Variants in LEUTX observed in about 807,000 individuals in gnomAD.
LEUTX encodes the protein paired-like homeodomain transcription factor LEUTX.
Under a neutral mutation model 4.5 loss-of-function variants are expected in LEUTX, and 5 were observed. The observed-to-expected ratio is 1.11, with a 90% CI of 0.58 to 2.34. The LOEUF (loss-of-function observed/expected upper bound fraction) is 2.34. LEUTX is among the 30% of genes most tolerant of loss of function. The pLI is 0.01. For missense variants in LEUTX, 233 were observed against 239.4 expected, an observed-to-expected ratio of 0.97 and a Z score of 0.18; for synonymous variants, 89 against 85.1, an observed-to-expected ratio of 1.05 and a Z score of -0.25.
At chr19:39,782,932 T>A (rs1967908750) in intron 1 of LEUTX, among the ~76,000 whole-genome samples, 1 of 152,158 alleles carries the variant, frequency 6.6e-6, no homozygotes. Flanking sequence ...TTTGGTTACA[T>A]GAGTAAGTTC....
intron 2 of LEUTX, 119 bp downstream of exon 2, chr19:39,784,797 A>G (rs755916683): frequency 1.1e-4 from 75 of 690,584 alleles, no homozygotes; most frequent in Non-Finnish European, 1.6e-4. Context: ...GACAGATGTT[A>G]AGCACTTTAT....
upstream of LEUTX, among the ~76,000 whole-genome samples, chr19:39,778,040 G>T (rs1967824134): frequency 6.6e-6 from 1 of 151,940 alleles, no homozygotes; most frequent in Non-Finnish European, 1.5e-5. Context: ...GTGTGGGGAG[G>T]CCATATCTCA....
At chr19:39,778,699 T>A (rs1056542188), upstream of LEUTX, among the ~76,000 whole-genome samples, 6 of 150,356 alleles carry the variant, frequency 4.0e-5, no homozygotes, top group African/African-American at 1.5e-4. Context: ...ATAGTTTTAT[T>A]CCCAGTGCCC....
rs1967959742 is a variant in LEUTX, at chr19:39,785,768, T to C, written c.230T>C (p.Leu77Pro). The change falls in exon 3 of 3, where the codon CTA (leucine) becomes CCA (proline). Residue 77 changes from leucine (L) to proline (P), a missense_variant. Coordinates refer to ENST00000638280, the MANE Select transcript of LEUTX (RefSeq NM_001382345.1). ...CAGCAAATGCAGACACGGCCATCAC[T>C]AGGGCCAGCAAACCAGACAACTTCA... Reference protein sequence around the residue: ...QRQQMQTRPSLGPANQTTSVK... With the variant: ...QRQQMQTRPSPGPANQTTSVK... 1.3e-6 allele frequency: 2 copies of C among 1,551,638 alleles called. No individual in the cohort carries two copies.
intron 1 of LEUTX, among the ~76,000 whole-genome samples, chr19:39,782,313 G>A (rs927237634): frequency 1.3e-5 from 2 of 152,136 alleles, no homozygotes; most frequent in Non-Finnish European, 2.9e-5. Flanking sequence ...GAATCATGGG[G>A]CGGTTTCCCC....
At chr19:39,777,922 C>A (rs1021617097), upstream of LEUTX, among the ~76,000 whole-genome samples, 1 of 152,162 alleles carries the variant, frequency 6.6e-6, no homozygotes, top group Non-Finnish European at 1.5e-5. Context: ...TCCAAACCAA[C>A]CTGGTGGGGG....
upstream of LEUTX, among the ~76,000 whole-genome samples, chr19:39,778,330 T>G (rs1967830332): frequency 6.6e-6 from 1 of 152,198 alleles, no homozygotes. Flanking sequence ...CAAGATCCCC[T>G]ATGGTTTAGG....
At chr19:39,782,795 T>C (rs1386447957) in intron 1 of LEUTX, among the ~76,000 whole-genome samples, 2 of 152,202 alleles carry the variant, frequency 1.3e-5, no homozygotes, top group African/African-American at 2.4e-5. Flanking sequence ...ATGTTTAGCC[T>C]AAGCTCTTGA....
intron 1 of LEUTX, among the ~76,000 whole-genome samples, chr19:39,781,933 G>A (rs143331389): frequency 1.8e-4 from 28 of 152,204 alleles, no homozygotes; most frequent in African/African-American, 6.0e-4. Flanking sequence ...TTAAAGATAC[G>A]GAGGCAAACA....
chr19:39,781,650 C>T (rs1281412846), intron 1 of LEUTX, among the ~76,000 whole-genome samples: 1 of 152,164 alleles, frequency 6.6e-6, no homozygotes, highest in East Asian at 1.9e-4. Context: ...CTCCCACTCT[C>T]ACCATGTAAC....
chr19:39,778,053 G>T (rs1967824482), upstream of LEUTX, among the ~76,000 whole-genome samples: 1 of 151,688 alleles, frequency 6.6e-6, no homozygotes, highest in Non-Finnish European at 1.5e-5. Flanking sequence ...ATATCTCATG[G>T]ATAGAGACTA....
chr19:39,776,822 A>G (rs1967802388), upstream of LEUTX: 1 of 377,920 alleles, frequency 2.6e-6, no homozygotes, highest in African/African-American at 2.1e-5. Context: ...CGGAGGTTGC[A>G]CTGAGCCGAG....
At chr19:39,782,977 C>T (rs34133973) in intron 1 of LEUTX, among the ~76,000 whole-genome samples, 17,969 of 151,928 alleles carry the variant, frequency 0.12, 1,187 homozygotes, top group African/African-American at 0.17. Flanking sequence ...GGTGCACCCA[C>T]CAACCGAGCA....
Position 39,785,712 on chromosome 19 carries a change from C to T in LEUTX, c.174C>T (p.Asn58=), listed in dbSNP as rs1419070812. The T allele has an allele frequency of 3.2e-6, 5 of 1,551,684 alleles. No individual in the cohort carries two copies. The African/African-American group carries it at 6.8e-5, about 21-fold the overall frequency. Residue 58 remains asparagine, a synonymous_variant, in exon 3 of 3, where the codon AAC becomes AAT. Coordinates refer to ENST00000638280, the MANE Select transcript of LEUTX (RefSeq NM_001382345.1). ...TCCCTCCTTAGATCTGGTTCAAGAA[C>T]CAGCGTGCCAAATGGAAGAGGCAGC... ...DLSVVKIWFK[N]QRAKWKRQQR... is the part of the protein sequence containing the mutation.
At chr19:39,777,673 G>C (rs967452593), upstream of LEUTX, among the ~76,000 whole-genome samples, 1 of 152,166 alleles carries the variant, frequency 6.6e-6, no homozygotes, top group East Asian at 1.9e-4. Flanking sequence ...AAAAGACATA[G>C]ATGGGGCCAG....
chr19:39,783,794 T>C (rs1275048522), intron 1 of LEUTX, among the ~76,000 whole-genome samples: 4 of 143,162 alleles, frequency 2.8e-5, no homozygotes, highest in African/African-American at 6.1e-5. Context: ...TATCTATTCA[T>C]GTCATTCATG....
At chr19:39,781,654 A>G (rs1019006002) in intron 1 of LEUTX, among the ~76,000 whole-genome samples, 3 of 152,156 alleles carry the variant, frequency 2.0e-5, no homozygotes, top group Non-Finnish European at 4.4e-5. Context: ...CACTCTCACC[A>G]TGTAACACCT....
At chr19:39,776,519 G>T (rs1967796222), upstream of LEUTX, 1 of 441,192 alleles carries the variant, frequency 2.3e-6, no homozygotes, top group African/African-American at 2.0e-5. Flanking sequence ...CCTTTGATGA[G>T]AAAGTAGGGA....
chr19:39,779,209 C>T (rs1369579572), intron 1 of LEUTX, among the ~76,000 whole-genome samples: 1 of 152,126 alleles, frequency 6.6e-6, no homozygotes, highest in Non-Finnish European at 1.5e-5. Flanking sequence ...ACCTCACCCT[C>T]AGGAGTAGCT....
Sources: allele counts gnomAD v4.1 joint callset (sites outside exome capture counted in the v4.1 genomes callset), GRCh38; gene constraint gnomAD v4.1.1; transcripts MANE v1.5; gene names NCBI Gene and HGNC (gene_info 2026-07-23, HGNC 2026-07-21).